AP2B1: variants seen among roughly 807,000 people sequenced by gnomAD.
AP2B1 encodes the protein AP-2 complex subunit beta.
Under a neutral mutation model 102.0 loss-of-function variants are expected in AP2B1, and 23 were observed. The ratio of observed to expected loss-of-function variants is 0.23; its 90% CI spans 0.16 to 0.32. The LOEUF (loss-of-function observed/expected upper bound fraction) is 0.32. AP2B1 is among the 10% of genes least tolerant of loss of function. AP2B1 has a pLI of 1.00. For missense variants in AP2B1, 541 were observed against 1,157.4 expected, an observed-to-expected ratio of 0.47 and a Z score of 7.73; for synonymous variants, 381 against 421.2, an observed-to-expected ratio of 0.90 and a Z score of 1.17.
intron 3 of AP2B1, among the ~76,000 whole-genome samples, chr17:35,599,702 G>A (rs946663246): frequency 2.0e-5 from 3 of 152,110 alleles, no homozygotes; most frequent in Admixed American, 6.5e-5. Context: ...GCAGGAGTTC[G>A]AGACTAGGCT....
intron 5 of AP2B1, among the ~76,000 whole-genome samples, chr17:35,622,643 A>G (rs554784268): frequency 2.0e-5 from 3 of 152,236 alleles, no homozygotes; most frequent in Non-Finnish European, 2.9e-5. Context: ...CTCCTATCAC[A>G]TCTCATTTAT....
At chr17:35,641,382 T>G (rs2074775877) in intron 11 of AP2B1, among the ~76,000 whole-genome samples, 1 of 152,184 alleles carries the variant, frequency 6.6e-6, no homozygotes, top group Non-Finnish European at 1.5e-5. Context: ...AGACCAGCCC[T>G]GGCAACATTG....
At chr17:35,656,864 G>C (rs534767143) in intron 13 of AP2B1, among the ~76,000 whole-genome samples, 1 of 135,944 alleles carries the variant, frequency 7.4e-6, no homozygotes, top group Non-Finnish European at 1.5e-5. Context: ...CAGCCTGGGC[G>C]ACAGAGCGAG....
At chr17:35,662,900 T>C (rs911225066) in intron 14 of AP2B1, among the ~76,000 whole-genome samples, 2 of 152,196 alleles carry the variant, frequency 1.3e-5, no homozygotes, top group African/African-American at 4.8e-5. Context: ...CCTTTCTCTG[T>C]GCTGATGAAG....
chr17:35,598,481 T>G lies in AP2B1; in HGVS notation c.143+146T>G, dbSNP rs1384722774. On this transcript the variant is annotated intron_variant, in intron 3 of 21. Transcript: ENST00000610402. The stretch of plus-strand genomic sequence containing the variant: ...CTAAAAACATCATTAGGAAGTGCAG[T>G]TGCCTTTGTATTAATGCTCTACTTT... 23 of 512,896 alleles carry G rather than the reference T, an allele frequency of 4.5e-5. No homozygotes were observed. The East Asian group carries it at 6.4e-4, about 14-fold the overall frequency. 31.8% of individuals were successfully genotyped at this position (512,896 alleles called of 1,614,324 possible).
chr17:35,606,258 G>C (rs1195419320), intron 4 of AP2B1, among the ~76,000 whole-genome samples: 2 of 118,348 alleles, frequency 1.7e-5, no homozygotes, highest in East Asian at 5.2e-4. Flanking sequence ...TTTTTTTTTT[G>C]ATACAGAGTC....
At chr17:35,679,718 G>A (rs142928704) in intron 17 of AP2B1, among the ~76,000 whole-genome samples, 4 of 151,976 alleles carry the variant, frequency 2.6e-5, no homozygotes, top group Admixed American at 6.5e-5. Flanking sequence ...TCCCAATATT[G>A]ACTTAATGAC....
chr17:35,655,322 C>T (rs1022168385), intron 13 of AP2B1, among the ~76,000 whole-genome samples: 18 of 152,142 alleles, frequency 1.2e-4, no homozygotes, highest in African/African-American at 1.9e-4. Flanking sequence ...GAAGGTTCCT[C>T]GTGTTCCTTT....
intron 13 of AP2B1, among the ~76,000 whole-genome samples, chr17:35,651,987 T>A (rs1489102980): frequency 6.6e-6 from 1 of 152,224 alleles, no homozygotes; most frequent in Non-Finnish European, 1.5e-5. Context: ...TCTGTAACCG[T>A]GTTTGTATCT....
intron 18 of AP2B1, among the ~76,000 whole-genome samples, chr17:35,694,458 G>A (rs1034410638): frequency 4.9e-5 from 7 of 141,718 alleles, no homozygotes; most frequent in Admixed American, 7.6e-5. Flanking sequence ...TTGAGGTCTG[G>A]CTATGTTTCC....
At chr17:35,674,654 G>A (rs144749606) in intron 17 of AP2B1, among the ~76,000 whole-genome samples, 204 of 152,292 alleles carry the variant, frequency 1.3e-3, no homozygotes, top group African/African-American at 4.6e-3. Context: ...GCAGTGAGCC[G>A]AGATTACGCC....
chr17:35,621,380 A>G, intron 5 of AP2B1: 1 of 975,734 alleles, frequency 1.0e-6, no homozygotes, highest in Non-Finnish European at 1.2e-6. Context: ...CTGCCTCAGT[A>G]TGTTGCTAAA....
At chr17:35,642,604 G>A (rs1341047666) in intron 12 of AP2B1, among the ~76,000 whole-genome samples, 5 of 152,118 alleles carry the variant, frequency 3.3e-5, no homozygotes, top group Non-Finnish European at 7.4e-5. Context: ...TCAGTCCATT[G>A]ATGATTTAGT....
chr17:35,712,340 G>T (rs2076468097), intron 20 of AP2B1, among the ~76,000 whole-genome samples: 1 of 152,202 alleles, frequency 6.6e-6, no homozygotes, highest in South Asian at 2.1e-4. Context: ...TATGAAAAAG[G>T]GTTTTGGGCC....
chr17:35,656,954 C>T (rs1598196835), intron 13 of AP2B1, among the ~76,000 whole-genome samples: 1 of 151,964 alleles, frequency 6.6e-6, no homozygotes, highest in African/African-American at 2.4e-5. Flanking sequence ...TCTCTTCCTC[C>T]AAATTTTACC....
At chr17:35,720,036 G>C (rs782128704) in intron 21 of AP2B1, among the ~76,000 whole-genome samples, 1 of 152,162 alleles carries the variant, frequency 6.6e-6, no homozygotes, top group Non-Finnish European at 1.5e-5. Context: ...CTTGAAAGAT[G>C]TCACTTTATA....
chr17:35,685,259 G>C (rs903260630), intron 18 of AP2B1, among the ~76,000 whole-genome samples: 1 of 152,188 alleles, frequency 6.6e-6, no homozygotes, highest in African/African-American at 2.4e-5. Context: ...CCTGTGAGCA[G>C]CTCTACTTAG....
At position 35,660,545 on chromosome 17, in the gene AP2B1, G is replaced by GT. The variant is rs547724115; in HGVS notation, c.1989+2755dup. ...GTTGCCCAGGCTGGAGTGCAGTTGTGTGATCTTGGCTCACTGCAACCTCAC... is the reference window on the plus strand; with the variant it reads ...GTTGCCCAGGCTGGAGTGCAGTTGTGTTGATCTTGGCTCACTGCAACCTCAC... On this transcript the variant is annotated intron_variant, in intron 14 of 21. Transcript: ENST00000610402. 9.2e-3 allele frequency among the ~76,000 whole-genome samples: 1,282 copies of GT among 138,932 alleles called. 27 individuals carry two copies. The highest frequency in any genetic ancestry group is 0.033 in the African/African-American group (1,214 of 37,170). The allele number at this position is 138,932 out of a possible 152,430, so 91.1% of individuals were successfully genotyped here.
At chr17:35,630,243 C>T (rs536679663) in intron 9 of AP2B1, among the ~76,000 whole-genome samples, 93 of 152,254 alleles carry the variant, frequency 6.1e-4, no homozygotes, top group African/African-American at 2.2e-3. Context: ...GTTAGCTAGT[C>T]CTGGGTTCTA....
Sources: allele counts gnomAD v4.1 joint callset (sites outside exome capture counted in the v4.1 genomes callset), GRCh38; gene constraint gnomAD v4.1.1; transcripts MANE v1.5; gene names NCBI Gene and HGNC (gene_info 2026-07-23, HGNC 2026-07-21).